MYO9B: variants seen among roughly 807,000 people sequenced by gnomAD.
The protein encoded by MYO9B is myosin IXB, also known as unconventional myosin-IXb.
A neutral mutation model predicts 229.5 loss-of-function variants in MYO9B; 71 were observed. The observed-to-expected ratio is 0.31, with a 90% CI of 0.26 to 0.38. The LOEUF (loss-of-function observed/expected upper bound fraction) is 0.38. Ranked by LOEUF, MYO9B falls within the 10% of genes least tolerant of loss-of-function variation. The pLI, the probability that MYO9B is intolerant of heterozygous loss-of-function variation, is 1.00. For missense variants in MYO9B, 2,255 were observed against 2,920.5 expected (o/e 0.77, Z 5.25); for synonymous variants, 1,185 against 1,235.8 (o/e 0.96, Z 0.86).
chr19:17,180,213 A>G (rs557894455), intron 14 of MYO9B, among the ~76,000 whole-genome samples: 5 of 143,924 alleles, frequency 3.5e-5, no homozygotes, highest in African/African-American at 1.4e-4. Flanking sequence ...AGCCTGGGCG[A>G]CAGAGTGAGA....
chr19:17,177,623 A>AT (rs1217951505), intron 14 of MYO9B: 1 of 151,472 alleles, frequency 6.6e-6, no homozygotes, highest in African/African-American at 2.4e-5. Context: ...GACTACAGGC[A>AT]TGAGCCACCA....
chr19:17,131,777 A>T (rs2072199267), intron 2 of MYO9B, among the ~76,000 whole-genome samples: 1 of 151,972 alleles, frequency 6.6e-6, no homozygotes, highest in Non-Finnish European at 1.5e-5. Flanking sequence ...CGTTAGTTTT[A>T]CCTAGAAACC....
Position 17,181,002 on chromosome 19 carries a change from G to T in MYO9B, c.2295G>T (p.Gln765His). 2.5e-6 allele frequency: 4 copies of T among 1,610,652 alleles called. No individual in the cohort carries two copies. The highest frequency in any genetic ancestry group is 1.3e-5 in the African/African-American group (1 of 74,986). Residue 765 changes from glutamine (Q) to histidine (H), a missense_variant, in exon 15 of 40, where the codon CAG becomes CAT. Gln to His is a conservative substitution (Grantham distance 24). This residue lies in a region of MYO9B where 155 missense variants were observed against 159.1 expected (regional missense o/e 0.97). Transcript: ENST00000682292. ...GCGAGGACCCCCGTAGCCTTCTCCA[G>T]TCCCTCAGTCGGCTCCAGAAACCCC... is the stretch of plus-strand genomic sequence containing the variant. ...WQGEDPRSLL[Q>H]SLSRLQKPRA... is the part of the protein sequence containing the mutation.
intron 2 of MYO9B, among the ~76,000 whole-genome samples, chr19:17,130,327 C>T (rs969017894): frequency 7.3e-5 from 11 of 151,176 alleles, no homozygotes; most frequent in African/African-American, 1.9e-4. Flanking sequence ...AGAAATTAGC[C>T]GGGCATTGGC....
At chr19:17,164,298 A>G (rs754594534) in intron 10 of MYO9B, among the ~76,000 whole-genome samples, 8 of 152,132 alleles carry the variant, frequency 5.3e-5, no homozygotes, top group Non-Finnish European at 1.0e-4. Flanking sequence ...CTGTGTCCAA[A>G]CAGAAAATCT....
intron 21 of MYO9B, among the ~76,000 whole-genome samples, chr19:17,194,280 A>G (rs1222416585): frequency 6.6e-6 from 1 of 152,224 alleles, no homozygotes; most frequent in Non-Finnish European, 1.5e-5. Flanking sequence ...GCTTCTTAAT[A>G]GAACCCACCC....
intron 8 of MYO9B, among the ~76,000 whole-genome samples, chr19:17,161,879 A>G (rs1398890570): frequency 1.3e-5 from 2 of 151,338 alleles, no homozygotes; most frequent in African/African-American, 4.9e-5. Flanking sequence ...CCCCAGCTAC[A>G]CAGGAGGCTG....
intron 26 of MYO9B, among the ~76,000 whole-genome samples, chr19:17,201,654 G>A (rs1454864598): frequency 6.6e-6 from 1 of 152,122 alleles, no homozygotes; most frequent in Admixed American, 6.5e-5. Context: ...GGGCGCTGTT[G>A]GCATCTGGTG....
At chr19:17,156,253 G>A (rs1345375856) in intron 6 of MYO9B, among the ~76,000 whole-genome samples, 1 of 151,694 alleles carries the variant, frequency 6.6e-6, no homozygotes, top group African/African-American at 2.4e-5. Flanking sequence ...TTTCTTTTGT[G>A]AGACAGTTTC....
rs2057740512 is a variant in MYO9B at position 17,101,093 on chromosome 19, TG to T, written c.-58-563del. Reference sequence around the variant, plus strand: ...TCAGGATTGAGAGGCTGCCTCTGGATGGGGTGGGATGGGGGCTGGGATGGAG... The same window carrying T: ...TCAGGATTGAGAGGCTGCCTCTGGATGGGTGGGATGGGGGCTGGGATGGAG... On this transcript the variant is annotated intron_variant, in intron 1 of 39. Transcript: ENST00000682292. The surrounding 1 kb of genome is among the most constrained non-coding windows in gnomAD (Gnocchi z 4.7). Among the ~76,000 whole-genome samples the T allele has an allele frequency of 7.0e-6, 1 of 143,484 alleles. No homozygotes were observed. Among genetic ancestry groups the T allele is most frequent in the African/African-American group, 2.6e-5 (1 of 38,900 alleles). 94.1% of individuals were successfully genotyped at this position (143,484 alleles called of 152,430 possible).
chr19:17,127,742 T>G (rs565972834), intron 2 of MYO9B, among the ~76,000 whole-genome samples: 44 of 152,148 alleles, frequency 2.9e-4, no homozygotes, highest in Non-Finnish European at 5.1e-4. Context: ...CAGGAGGGTG[T>G]CCTCCATGTG....
chr19:17,148,533 A>G (rs2145251493), intron 3 of MYO9B, among the ~76,000 whole-genome samples: 1 of 152,230 alleles, frequency 6.6e-6, no homozygotes, highest in African/African-American at 2.4e-5. Context: ...TCATGGCCAC[A>G]TTACTCCCAT....
chr19:17,097,522 A>G (rs1303752816), intron 1 of MYO9B, among the ~76,000 whole-genome samples: 2 of 152,236 alleles, frequency 1.3e-5, no homozygotes, highest in Non-Finnish European at 2.9e-5. Flanking sequence ...AAAATTTATT[A>G]AACTATACAG....
At position 17,187,984 on chromosome 19, in the gene MYO9B, C is replaced by T. The variant is rs1277054609; in HGVS notation, c.2627C>T (p.Thr876Ile). The T allele has an allele frequency of 1.2e-6, 2 of 1,602,026 alleles. No homozygotes were observed. The change falls in exon 19 of 40, where the codon ACC becomes ATC. Residue 876 changes from threonine to isoleucine, a missense_variant. This residue lies in a region of MYO9B where 68 missense variants were observed against 133.5 expected (regional missense o/e 0.51). Transcript: ENST00000682292. ...DELVLQQLRYTGMLETVRIRR... is the reference protein window; with the variant it reads ...DELVLQQLRYIGMLETVRIRR... ...CTGGTCCTGCAGCAGCTGCGCTACACCGGCATGCTGGAGACCGTGCGCATC... is the reference window on the plus strand; with the variant it reads ...CTGGTCCTGCAGCAGCTGCGCTACATCGGCATGCTGGAGACCGTGCGCATC...
chr19:17,146,195 ATGG>A (rs2072408791), intron 3 of MYO9B, among the ~76,000 whole-genome samples: 1 of 150,452 alleles, frequency 6.6e-6, no homozygotes, highest in Non-Finnish European at 1.5e-5. Context: ...GGATGGATGG[ATGG>A]ATGGATGGAT....
intron 1 of MYO9B, among the ~76,000 whole-genome samples, chr19:17,098,055 C>A (rs868040561): frequency 2.0e-5 from 3 of 150,566 alleles, no homozygotes; most frequent in East Asian, 2.0e-4. Context: ...ACCCCCCCCC[C>A]CCACCTTTTT....
At chr19:17,130,412 C>T (rs529385499) in intron 2 of MYO9B, among the ~76,000 whole-genome samples, 5 of 152,096 alleles carry the variant, frequency 3.3e-5, no homozygotes, top group East Asian at 1.9e-4. Flanking sequence ...GTCAGGAGAT[C>T]GTAGACCATC....
chr19:17,081,886 TG>T (rs1272942132), intron 1 of MYO9B, among the ~76,000 whole-genome samples: 3 of 145,524 alleles, frequency 2.1e-5, no homozygotes, highest in Non-Finnish European at 3.0e-5. Context: ...ACAGGGGATG[TG>T]TTGAGGGCCA....
chr19:17,156,284 CAA>C (rs1188486709), intron 6 of MYO9B, among the ~76,000 whole-genome samples: 7 of 152,038 alleles, frequency 4.6e-5, no homozygotes, highest in Admixed American at 6.6e-5. Context: ...CATGGTGGTA[CAA>C]ACCTGTAGTC....
Sources: gnomAD v4.1 joint callset for allele counts (sites outside exome capture counted in the v4.1 genomes callset) on GRCh38, gnomAD v4.1.1 for gene constraint, gnomAD v4.1.1 regional missense constraint, Gnocchi (gnomAD v3.1) non-coding constraint, MANE v1.5 for transcripts, NCBI Gene and HGNC (gene_info 2026-07-23, HGNC 2026-07-21) for gene names.